CPED1: variants seen among roughly 807,000 people sequenced by gnomAD.
The protein encoded by CPED1 is cadherin like and PC-esterase domain containing 1.
Under a neutral mutation model 128.2 loss-of-function variants are expected in CPED1, and 114 were observed. That is an observed-to-expected ratio of 0.89 (90% confidence interval 0.76 to 1.04). The LOEUF (loss-of-function observed/expected upper bound fraction) is 1.04, where lower values mean the gene tolerates loss of function less well. Among genes scored for constraint, CPED1 ranks in the 50% least tolerant of loss-of-function variants. The pLI, the probability that CPED1 is intolerant of heterozygous loss-of-function variation, is 0.00. For missense variants in CPED1, 1,211 were observed against 1,207.1 expected (o/e 1.00, Z -0.05); for synonymous variants, 462 against 426.7 (o/e 1.08, Z -1.02).
chr7:121,254,082 C>T (rs1248656422), intron 18 of CPED1, among the ~76,000 whole-genome samples: 1 of 152,002 alleles, frequency 6.6e-6, no homozygotes, highest in African/African-American at 2.4e-5. Context: ...CTACAGAACG[C>T]TCCACCCAAC....
intron 16 of CPED1, among the ~76,000 whole-genome samples, chr7:121,192,660 A>C (rs1381593808): frequency 1.3e-5 from 2 of 152,134 alleles, no homozygotes; most frequent in Non-Finnish European, 2.9e-5. Flanking sequence ...GGGGTAAAGC[A>C]GACCAATAGT....
At chr7:121,048,566 G>C (rs1793273397) in intron 4 of CPED1, among the ~76,000 whole-genome samples, 1 of 151,648 alleles carries the variant, frequency 6.6e-6, no homozygotes, top group South Asian at 2.1e-4. Flanking sequence ...TTGAGACAAA[G>C]TCTCCCTCTG....
At chr7:121,150,097 T>C (rs1563046118) in intron 16 of CPED1, among the ~76,000 whole-genome samples, 1 of 151,892 alleles carries the variant, frequency 6.6e-6, no homozygotes, top group Non-Finnish European at 1.5e-5. Context: ...CTGTGCAGGT[T>C]TGTTGCATGA....
intron 14 of CPED1, 29 bp from the exon 15 acceptor site, chr7:121,140,798 C>A: frequency 6.5e-7 from 1 of 1,537,708 alleles, no homozygotes; most frequent in Non-Finnish European, 8.9e-7. Context: ...TCACAGTTGT[C>A]TTTGTCATTG....
intron 16 of CPED1, 92 bp from the exon 17 acceptor site, chr7:121,236,622 G>A (rs1003948363): frequency 9.0e-5 from 60 of 664,354 alleles, no homozygotes; most frequent in Middle Eastern, 3.0e-4. Flanking sequence ...ATCCATAAAG[G>A]TTATTTGCCA....
At chr7:121,067,994 T>C (rs1340895445) in intron 5 of CPED1, among the ~76,000 whole-genome samples, 4 of 152,188 alleles carry the variant, frequency 2.6e-5, no homozygotes, top group Non-Finnish European at 4.4e-5. Flanking sequence ...GTTTGAGTTC[T>C]TTGTAGATTC....
At chr7:121,268,392 T>A (rs898868277) in intron 21 of CPED1, among the ~76,000 whole-genome samples, 3 of 152,090 alleles carry the variant, frequency 2.0e-5, no homozygotes, top group Non-Finnish European at 4.4e-5. Context: ...ATGTGCCAGA[T>A]ATTGTGTTAA....
chr7:121,135,982 A>G (rs1188336036), intron 13 of CPED1, 58 bp from the exon 14 acceptor site: 1 of 1,304,734 alleles, frequency 7.7e-7, no homozygotes, highest in Non-Finnish European at 1.0e-6. Flanking sequence ...CTAAATGTAT[A>G]TTTTAACATT....
intron 5 of CPED1, among the ~76,000 whole-genome samples, chr7:121,096,064 C>T (rs1322652966): frequency 6.6e-6 from 1 of 152,060 alleles, no homozygotes; most frequent in Non-Finnish European, 1.5e-5. Context: ...CTTACATAAA[C>T]ATTTCAACTT....
chr7:121,133,979 C>T, intron 13 of CPED1, 86 bp downstream of exon 13: 1 of 709,776 alleles, frequency 1.4e-6, no homozygotes, highest in East Asian at 2.8e-5. Context: ...GCTTCATTAG[C>T]AATCAAAAAT....
intron 2 of CPED1, among the ~76,000 whole-genome samples, chr7:121,009,209 C>T (rs1248093475): frequency 6.6e-6 from 1 of 152,054 alleles, no homozygotes. Context: ...GAAGGAAGTG[C>T]AGCACAGCAA....
At chr7:121,203,014 G>T (rs1797434693) in intron 16 of CPED1, among the ~76,000 whole-genome samples, 1 of 151,954 alleles carries the variant, frequency 6.6e-6, no homozygotes, top group South Asian at 2.1e-4. Context: ...GAAGCCAGTT[G>T]TTCCTATTTT....
At chr7:121,193,995 G>GCTCTCTCTCTCTCT (rs373934011) in intron 16 of CPED1, among the ~76,000 whole-genome samples, 2 of 87,402 alleles carry the variant, frequency 2.3e-5, no homozygotes, top group Admixed American at 1.5e-4. Context: ...GGATGAGCAA[G>GCTCTCTCTCTCTCT]CTCTCTCTCT....
chr7:121,239,136 T>C (rs1315837214), intron 17 of CPED1, among the ~76,000 whole-genome samples: 1 of 152,202 alleles, frequency 6.6e-6, no homozygotes, highest in African/African-American at 2.4e-5. Context: ...GAAGTTGTTA[T>C]AGTGGACAAA....
At chr7:121,028,105 G>C (rs550718857) in intron 3 of CPED1, among the ~76,000 whole-genome samples, 4 of 152,168 alleles carry the variant, frequency 2.6e-5, no homozygotes, top group Admixed American at 6.5e-5. Context: ...TTCAAATTTG[G>C]CATGCGTCAG....
In CPED1 at chr7:121,236,812, TC is replaced by T; in HGVS notation, c.2156del (p.Pro719HisfsTer5). On this transcript the variant is annotated frameshift_variant, in exon 17 of 23. Coordinates refer to ENST00000310396, the MANE Select transcript of CPED1 (RefSeq NM_024913.5). LOFTEE classifies it high-confidence loss of function. ...AILQSELKRC[P>X]SGDMKGQWIV... ...TTTTACAGTCTGAACTAAAAAGATG[TC>T]CATCTGGGGACATGAAAGGTGACTA... 1 of 1,593,506 alleles carries T rather than the reference TC, an allele frequency of 6.3e-7. No homozygotes were observed. Among genetic ancestry groups the T allele is most frequent in the Non-Finnish European group, 8.6e-7 (1 of 1,165,726 alleles).
At chr7:121,211,618 T>C (rs368471899) in intron 16 of CPED1, among the ~76,000 whole-genome samples, 10 of 92,762 alleles carry the variant, frequency 1.1e-4, no homozygotes, top group East Asian at 6.6e-4. Flanking sequence ...CTGTGGATTG[T>C]TGAGAATCAA....
At chr7:121,139,374 A>G (rs996343221) in intron 14 of CPED1, among the ~76,000 whole-genome samples, 7 of 151,824 alleles carry the variant, frequency 4.6e-5, no homozygotes, top group Non-Finnish European at 1.0e-4. Flanking sequence ...ACTATAGAGT[A>G]TAGGTCAGAA....
At chr7:120,991,483 T>TA (rs1272435236) in intron 2 of CPED1, among the ~76,000 whole-genome samples, 1 of 152,204 alleles carries the variant, frequency 6.6e-6, no homozygotes, top group Non-Finnish European at 1.5e-5. Context: ...GGCAATTTCT[T>TA]AAAAAATAGT....
Sources: gnomAD v4.1 joint callset for allele counts (sites outside exome capture counted in the v4.1 genomes callset) on GRCh38, gnomAD v4.1.1 for gene constraint, MANE v1.5 for transcripts, NCBI Gene and HGNC (gene_info 2026-07-23, HGNC 2026-07-21) for gene names.